ZP1: variants seen among roughly 807,000 people sequenced by gnomAD.
ZP1 encodes zona pellucida glycoprotein 1.
Under a neutral mutation model 67.4 loss-of-function variants are expected in ZP1, and 58 were observed. The ratio of observed to expected loss-of-function variants is 0.86; its 90% CI spans 0.70 to 1.07. ZP1 has a LOEUF of 1.07. Among genes scored for constraint, ZP1 ranks in the 50% least tolerant of loss-of-function variants. ZP1 has a pLI of 0.00. For synonymous variants in ZP1, 333 were observed against 332.7 expected, an observed-to-expected ratio of 1.00 and a Z score of -0.01; for missense variants, 759 against 807.3, an observed-to-expected ratio of 0.94 and a Z score of 0.72.
chr11:60,872,979 A>C, intron 6 of ZP1, 183 bp from the exon 7 acceptor site: 2 of 622,364 alleles, frequency 3.2e-6, no homozygotes, highest in Non-Finnish European at 2.7e-6. Flanking sequence ...GGGCAGAGGA[A>C]TGGGCAGGGT....
chr11:60,875,271 C>T, intron 11 of ZP1, 23 bp downstream of exon 11: 1 of 1,600,730 alleles, frequency 6.2e-7, no homozygotes, highest in Non-Finnish European at 8.5e-7. Context: ...CTGGGTGGGC[C>T]CCTCAGGCCT....
intron 3 of ZP1, among the ~76,000 whole-genome samples, 166 bp downstream of exon 3, chr11:60,870,066 T>TA (rs1565102790): frequency 6.6e-6 from 1 of 152,246 alleles, no homozygotes; most frequent in East Asian, 1.9e-4. Context: ...AAAACAGCTT[T>TA]AAACATGTAT....
At chr11:60,870,032 CT>C in intron 3 of ZP1, 132 bp downstream of exon 3, 1 of 1,135,038 alleles carries the variant, frequency 8.8e-7, no homozygotes, top group Non-Finnish European at 1.2e-6. Flanking sequence ...AAAGATGATT[CT>C]TTTATTCCTT....
rs776515172 is a variant in ZP1, at chr11:60,869,846, C to T, written c.628C>T (p.Gln210Ter). Residue 210 changes from glutamine to a stop codon, truncating the protein, a stop_gained, in exon 3 of 12, where the codon CAA (glutamine) becomes TAA (stop). Coordinates refer to ENST00000278853, the MANE Select transcript of ZP1 (RefSeq NM_207341.4). LOFTEE classifies it high-confidence loss of function. ...GPGPTLATLA[Q>*]PHWGTLEHWD... ...TGGACCTACCCTCGCCACCCTGGCT[C>T]AACCCCACTGGGGCACCTTGGAACA... is the stretch of plus-strand genomic sequence containing the variant. 4.1e-5 allele frequency: 65 copies of T among 1,599,568 alleles called. No homozygotes were observed. Among genetic ancestry groups the T allele is most frequent in the Non-Finnish European group, 4.9e-5 (58 of 1,172,142 alleles).
At chr11:60,870,104 G>A (rs1855538691) in intron 3 of ZP1, among the ~76,000 whole-genome samples, 1 of 152,252 alleles carries the variant, frequency 6.6e-6, no homozygotes, top group South Asian at 2.1e-4. Flanking sequence ...AAGAGGTCTT[G>A]TAAATTTGTT....
intron 1 of ZP1, among the ~76,000 whole-genome samples, chr11:60,868,039 CTTTTT>C (rs3044654): frequency 7.1e-6 from 1 of 140,656 alleles, no homozygotes; most frequent in Non-Finnish European, 1.5e-5. Flanking sequence ...CATTTCTTTT[CTTTTT>C]TTTTTTTTTT....
rs368143874 is a variant in ZP1, at chr11:60,875,073, CCT to C, written c.1655-53_1655-52del. 21 of 1,613,512 alleles carry C rather than the reference CCT, an allele frequency of 1.3e-5. No individual in the cohort carries two copies. The African/African-American group carries it at 2.7e-4, about 20-fold the overall frequency. Reference sequence around the variant, plus strand: ...TATACATCTTCAGGCCTGTGCCTGGCCTCTGGGCCACAGGGGCAGGAGACCAG... The same window carrying C: ...TATACATCTTCAGGCCTGTGCCTGGCCTGGGCCACAGGGGCAGGAGACCAG... On this transcript the variant is annotated intron_variant, in intron 10 of 11. Transcript: ENST00000278853.
At chr11:60,870,061 A>G (rs576992958) in intron 3 of ZP1, among the ~76,000 whole-genome samples, 161 bp downstream of exon 3, 1 of 152,344 alleles carries the variant, frequency 6.6e-6, no homozygotes, top group African/African-American at 2.4e-5. Flanking sequence ...TTTGGAAAAC[A>G]GCTTTAAACA....
At position 60,873,265 on chromosome 11, in the gene ZP1, C is replaced by A. The variant is rs767981457; in HGVS notation, c.1216C>A (p.Arg406=). ...PAPMTQPGPL[R]LELRIAKDET... ...TCCTATGACCCAGCCCGGCCCCCTG[C>A]GGCTTGAGCTGCGGATTGCCAAAGG... The change falls in exon 7 of 12, where the codon CGG becomes AGG. Residue 406 remains arginine, a synonymous_variant. Transcript: ENST00000278853. 5 of 1,588,630 alleles carry A rather than the reference C, an allele frequency of 3.1e-6. No individual in the cohort carries two copies. The highest frequency in any genetic ancestry group is 4.3e-6 in the Non-Finnish European group (5 of 1,165,212).
chr11:60,873,394 C>T lies in ZP1; in HGVS notation c.1260C>T (p.Tyr420=). 6.2e-7 allele frequency: 1 copy of T among 1,609,264 alleles called. No homozygotes were observed. Among genetic ancestry groups the T allele is most frequent in the South Asian group, 1.1e-5 (1 of 90,980 alleles). ...CTGCAGACGAGACCTTCAGCTCGTA[C>T]TATGGGGAGGATGACTATCCCATCG... ...RIAKDETFSS[Y]YGEDDYPIVR... The change falls in exon 8 of 12, where the codon TAC becomes TAT. Residue 420 remains tyrosine, a synonymous_variant. Coordinates refer to ENST00000278853, the MANE Select transcript of ZP1 (RefSeq NM_207341.4).
At chr11:60,873,907 C>G in intron 9 of ZP1, 132 bp downstream of exon 9, 2 of 1,257,956 alleles carry the variant, frequency 1.6e-6, no homozygotes, top group Non-Finnish European at 2.2e-6. Context: ...TACCAGGTGT[C>G]ATGGAAAGCA....
intron 6 of ZP1, 25 bp from the exon 7 acceptor site, chr11:60,873,137 C>T (rs769885579): frequency 1.3e-6 from 2 of 1,525,300 alleles, no homozygotes; most frequent in East Asian, 4.5e-5. Context: ...GTCTTCTCCC[C>T]CACCCTCTTG....
rs776539408 is a variant in ZP1, at chr11:60,873,403, G to C, written c.1269G>C (p.Glu423Asp). ...AGACCTTCAGCTCGTACTATGGGGA[G>C]GATGACTATCCCATCGTGAGGCTGC... ...KDETFSSYYG[E>D]DDYPIVRLLR... The change falls in exon 8 of 12, where the codon GAG becomes GAC. Residue 423 changes from glutamate to aspartate, a missense_variant. Physicochemically the swap from Glu to Asp is conservative, Grantham distance 45. Transcript: ENST00000278853. The C allele has an allele frequency of 1.9e-6, 3 of 1,610,010 alleles. No individual in the cohort carries two copies. In the African/African-American group the frequency reaches 4.0e-5, roughly 22 times the overall value.
intron 1 of ZP1, among the ~76,000 whole-genome samples, chr11:60,868,368 C>T (rs751303300): frequency 2.5e-4 from 38 of 152,232 alleles, no homozygotes; most frequent in Non-Finnish European, 5.1e-4. Context: ...TCTCTAACCA[C>T]GCTCAGTCAA....
intron 4 of ZP1, 56 bp downstream of exon 4, chr11:60,870,531 G>A (rs1025863262): frequency 6.5e-7 from 1 of 1,532,430 alleles, no homozygotes. Context: ...AGCGGAAGGA[G>A]AGCTGTCTCC....
chr11:60,870,632 C>A, intron 4 of ZP1, 157 bp downstream of exon 4: 2 of 936,502 alleles, frequency 2.1e-6, no homozygotes, highest in Non-Finnish European at 3.1e-6. Context: ...GGGGCGGTCA[C>A]ATGTCCCAGC....
intron 9 of ZP1, 143 bp downstream of exon 9, chr11:60,873,918 G>T (rs1855645976): frequency 8.6e-7 from 1 of 1,158,040 alleles, no homozygotes. Context: ...ATGGAAAGCA[G>T]CGGGCTTCGG....
In ZP1 at chr11:60,869,761, C is replaced by G. The variant is rs761515509; in HGVS notation, c.543C>G (p.Ser181Arg). The change falls in exon 3 of 12, where the codon AGC (serine) becomes AGG (arginine). Residue 181 changes from serine (S) to arginine (R), a missense_variant. Ser to Arg is a moderately radical substitution (Grantham distance 110, BLOSUM62 -1). Coordinates refer to ENST00000278853, the MANE Select transcript of ZP1 (RefSeq NM_207341.4). ...AAGGCTCTGGCCATGCCTTTCCCAG[C>G]CCACTGGACCCAGGGCACAGCTCTG... ...TSQGSGHAFP[S>R]PLDPGHSSVH... 6 of 1,614,084 alleles carry G rather than the reference C, an allele frequency of 3.7e-6. No homozygotes were observed. The African/African-American group carries it at 8.0e-5, about 22-fold the overall frequency.
chr11:60,869,080 G>T, intron 1 of ZP1, 65 bp from the exon 2 acceptor site: 1 of 1,597,874 alleles, frequency 6.3e-7, no homozygotes, highest in South Asian at 1.1e-5. Flanking sequence ...AACTCCTTCC[G>T]AGACCCCAGC....
Sources: gnomAD v4.1 joint callset for allele counts (sites outside exome capture counted in the v4.1 genomes callset) on GRCh38, gnomAD v4.1.1 for gene constraint, MANE v1.5 for transcripts, NCBI Gene and HGNC (gene_info 2026-07-23, HGNC 2026-07-21) for gene names.